Variants in ROR1 observed in about 807,000 individuals in gnomAD.
ROR1 encodes ROR family WNT receptor 1, also known as inactive tyrosine-protein kinase transmembrane receptor ROR1.
ROR1 carries 19 observed loss-of-function variants against 78.8 expected under a neutral mutation model. The observed-to-expected ratio is 0.24, with a 90% confidence interval of 0.17 to 0.35. ROR1 has a LOEUF of 0.35. Among genes scored for constraint, ROR1 ranks in the 10% least tolerant of loss-of-function variants. The pLI is 1.00. For missense variants in ROR1, 917 were observed against 1,177.8 expected (o/e 0.78, Z 3.24); for synonymous variants, 386 against 433.6 (o/e 0.89, Z 1.36).
At chr1:63,993,807 T>A (rs1270144900) in intron 1 of ROR1, among the ~76,000 whole-genome samples, 1 of 152,216 alleles carries the variant, frequency 6.6e-6, no homozygotes, top group Non-Finnish European at 1.5e-5. Flanking sequence ...AATCATTTTA[T>A]ATTATAGACA....
chr1:64,027,808 C>T (rs1199367832), intron 2 of ROR1, among the ~76,000 whole-genome samples: 1 of 152,014 alleles, frequency 6.6e-6, no homozygotes, highest in Non-Finnish European at 1.5e-5. Flanking sequence ...CTGCCTCAGC[C>T]TCCTGAGTAT....
intron 1 of ROR1, among the ~76,000 whole-genome samples, chr1:63,812,514 ATGAATGAATGAAT>A (rs1557508762): frequency 1.3e-5 from 2 of 151,870 alleles, no homozygotes; most frequent in African/African-American, 4.8e-5. Flanking sequence ...TTTTGACTGA[ATGAATGAATGAAT>A]GAATGGATGA....
At chr1:64,174,327 A>C (rs1195256504) in intron 8 of ROR1, among the ~76,000 whole-genome samples, 1 of 152,196 alleles carries the variant, frequency 6.6e-6, no homozygotes, top group African/African-American at 2.4e-5. Flanking sequence ...TAAATAAGTT[A>C]ATATTTGCTA....
chr1:63,965,464 G>T (rs1287471695), intron 1 of ROR1, among the ~76,000 whole-genome samples: 1 of 152,060 alleles, frequency 6.6e-6, no homozygotes, highest in East Asian at 1.9e-4. Flanking sequence ...CATTACATTT[G>T]CTTAGGAAAA....
intron 1 of ROR1, among the ~76,000 whole-genome samples, chr1:63,886,019 C>T (rs1557544233): frequency 1.3e-5 from 2 of 152,118 alleles, no homozygotes; most frequent in South Asian, 2.1e-4. Context: ...TAGATGATCC[C>T]ATCTGGGGTG....
chr1:63,812,978 T>C (rs1156788090), intron 1 of ROR1, among the ~76,000 whole-genome samples: 1 of 152,010 alleles, frequency 6.6e-6, no homozygotes, highest in Non-Finnish European at 1.5e-5. Context: ...TGCTTCTGAG[T>C]GCTGTTAGGT....
intron 1 of ROR1, among the ~76,000 whole-genome samples, chr1:63,837,385 T>C (rs1488257683): frequency 3.9e-5 from 6 of 152,198 alleles, no homozygotes; most frequent in Admixed American, 1.3e-4. Context: ...CATTTCCAGA[T>C]GGAAACAGCC....
At chr1:63,993,944 G>T (rs1328177531) in intron 1 of ROR1, among the ~76,000 whole-genome samples, 2 of 152,118 alleles carry the variant, frequency 1.3e-5, no homozygotes, top group African/African-American at 4.8e-5. Context: ...CATAGATATT[G>T]TCAAGTTGTA....
At chr1:64,154,809 A>G (rs1649727523) in intron 7 of ROR1, among the ~76,000 whole-genome samples, 1 of 152,218 alleles carries the variant, frequency 6.6e-6, no homozygotes, top group Admixed American at 6.5e-5. Context: ...CAGTTATTCC[A>G]AAGTATTAAA....
intron 4 of ROR1, among the ~76,000 whole-genome samples, chr1:64,121,503 G>A (rs1412357755): frequency 6.6e-6 from 1 of 152,198 alleles, no homozygotes; most frequent in East Asian, 1.9e-4. Flanking sequence ...TGAGGGCAGG[G>A]ATTTTGGGAT....
rs1004894735 is a variant in ROR1, at chr1:64,178,253, A to C, written c.2212A>C (p.Arg738=). 1.2e-6 allele frequency: 2 copies of C among 1,614,004 alleles called. No individual in the cohort carries two copies. Among genetic ancestry groups the C allele is most frequent in the Non-Finnish European group, 1.7e-6 (2 of 1,180,020 alleles). The change falls in exon 9 of 9, where the codon AGA becomes CGA. Residue 738 remains arginine, a synonymous_variant. Coordinates refer to ENST00000371079, the MANE Select transcript of ROR1 (RefSeq NM_005012.4). The surrounding 1 kb of genome is among the most constrained non-coding windows in gnomAD (Gnocchi z 4.3). ...GAATGAGATTCCTTCTAGGAGACCA[A>C]GATTTAAAGATATTCACGTCCGGCT... is the stretch of plus-strand genomic sequence containing the variant. ...CWNEIPSRRP[R]FKDIHVRLRS... is the part of the protein sequence containing the mutation.
In ROR1 at chr1:64,178,169, C is replaced by A. The variant is rs1569894068; in HGVS notation, c.2128C>A (p.Leu710Ile). 6.2e-7 allele frequency: 1 copy of A among 1,614,148 alleles called. No homozygotes were observed. The change falls in exon 9 of 9, where the codon CTC (leucine) becomes ATC (isoleucine). Residue 710 changes from leucine (L) to isoleucine (I), a missense_variant. By Grantham distance (5) the Leu-to-Ile change is conservative. This residue lies in a region of ROR1 where 835 missense variants were observed against 1,069.8 expected (regional missense o/e 0.78). Transcript: ENST00000371079. This position sits in a 1 kb window ranked among gnomAD's most constrained non-coding sequence, Gnocchi z 4.3. ...GATTGAGATGGTGAGAAAACGGCAG[C>A]TCTTACCATGCTCTGAAGACTGCCC... ...EVIEMVRKRQLLPCSEDCPPR... is the reference protein window; with the variant it reads ...EVIEMVRKRQILPCSEDCPPR...
chr1:63,777,794 T>G (rs1348034198), intron 1 of ROR1, among the ~76,000 whole-genome samples: 1 of 152,226 alleles, frequency 6.6e-6, no homozygotes, highest in African/African-American at 2.4e-5. Flanking sequence ...AATGGAACAC[T>G]TTGTAAGCTA....
intron 1 of ROR1, among the ~76,000 whole-genome samples, chr1:63,928,165 C>T (rs1645721337): frequency 6.6e-6 from 1 of 152,184 alleles, no homozygotes; most frequent in African/African-American, 2.4e-5. Context: ...CAATCGCAAG[C>T]TCCATAAGAA....
At chr1:64,108,395 T>TAAAAAAAAA (rs556497678) in intron 4 of ROR1, 6 of 48,294 alleles carry the variant, frequency 1.2e-4, no homozygotes, top group African/African-American at 4.8e-4. Flanking sequence ...AGACTCCATC[T>TAAAAAAAAA]AAAAAAAAAA....
chr1:64,035,533 G>A (rs977114755), intron 2 of ROR1, among the ~76,000 whole-genome samples: 2 of 145,854 alleles, frequency 1.4e-5, no homozygotes, highest in Non-Finnish European at 3.0e-5. Context: ...ATTGGACCAG[G>A]GAGAGGACAC....
chr1:64,080,267 A>T (rs61765399), intron 4 of ROR1, among the ~76,000 whole-genome samples: 1 of 151,974 alleles, frequency 6.6e-6, no homozygotes, highest in Admixed American at 6.6e-5. Context: ...TTTGATTGTC[A>T]TGACTGGAGA....
At chr1:64,144,503 C>T (rs1649423823) in intron 7 of ROR1, among the ~76,000 whole-genome samples, 1 of 152,196 alleles carries the variant, frequency 6.6e-6, no homozygotes, top group African/African-American at 2.4e-5. Flanking sequence ...GGGCAGTAGC[C>T]TCAGTTCCTA....
At chr1:64,168,466 A>G (rs1333553486) in intron 8 of ROR1, among the ~76,000 whole-genome samples, 1 of 152,210 alleles carries the variant, frequency 6.6e-6, no homozygotes, top group African/African-American at 2.4e-5. Flanking sequence ...TATCTAGGAT[A>G]GGAGCCATGT....
Sources: gnomAD v4.1 joint callset for allele counts (sites outside exome capture counted in the v4.1 genomes callset) on GRCh38, gnomAD v4.1.1 for gene constraint, gnomAD v4.1.1 regional missense constraint, Gnocchi (gnomAD v3.1) non-coding constraint, MANE v1.5 for transcripts, NCBI Gene and HGNC (gene_info 2026-07-23, HGNC 2026-07-21) for gene names.